SERAC1: variants seen among roughly 807,000 people sequenced by gnomAD.
SERAC1 encodes protein SERAC1.
Under a neutral mutation model 85.7 loss-of-function variants are expected in SERAC1, and 36 were observed. The ratio of observed to expected loss-of-function variants is 0.42; its 90% CI spans 0.32 to 0.55. The LOEUF is 0.55. Among genes scored for constraint, SERAC1 ranks in the 20% least tolerant of loss-of-function variants. The probability of loss-of-function intolerance (pLI) is 0.11; values close to 1 mark genes in which losing one functional copy is unlikely to be tolerated. For missense variants in SERAC1, 629 were observed against 796.2 expected (o/e 0.79, Z 2.53); for synonymous variants, 242 against 265.3 (o/e 0.91, Z 0.85).
At chr6:158,129,827 C>G (rs974921610) in intron 9 of SERAC1, among the ~76,000 whole-genome samples, 7 of 152,000 alleles carry the variant, frequency 4.6e-5, no homozygotes, top group Non-Finnish European at 1.5e-5. Context: ...CTCCAAGTAG[C>G]TGGGATTACA....
intron 13 of SERAC1, chr6:158,116,563 T>C: frequency 3.0e-6 from 1 of 338,338 alleles, no homozygotes; most frequent in Non-Finnish European, 5.6e-6. Flanking sequence ...CCTGAAATCG[T>C]TAATTCTCTA....
At chr6:158,112,637 A>C (rs1784175145) in intron 16 of SERAC1, 1 of 151,612 alleles carries the variant, frequency 6.6e-6, no homozygotes, top group Admixed American at 6.6e-5. Context: ...GACAAAACTC[A>C]TTATGTAGAC....
chr6:158,121,378 G>C (rs1784419271), intron 10 of SERAC1, among the ~76,000 whole-genome samples: 1 of 152,192 alleles, frequency 6.6e-6, no homozygotes, highest in South Asian at 2.1e-4. Context: ...TTAAAATAAA[G>C]CAGAATATGG....
Position 158,128,239 on chromosome 6 carries a change from T to C in SERAC1, c.884A>G (p.Asn295Ser). The C allele has an allele frequency of 6.2e-7, 1 of 1,614,064 alleles. No homozygotes were observed. Among genetic ancestry groups the C allele is most frequent in the Non-Finnish European group, 8.5e-7 (1 of 1,179,982 alleles). ...ISTHCDKIEA[N>S]GGLQLLQRLY... ...CCTCTGAAGTAGCTGCAGGCCTCCATTTGCTTCGATTTTATCACAATGTGT... is the reference window on the plus strand; with the variant it reads ...CCTCTGAAGTAGCTGCAGGCCTCCACTTGCTTCGATTTTATCACAATGTGT... The change falls in exon 10 of 17, where the codon AAT (asparagine) becomes AGT (serine). Residue 295 changes from asparagine (N) to serine (S), a missense_variant. By Grantham distance (46) the Asn-to-Ser change is conservative (BLOSUM62 1). Coordinates refer to ENST00000647468, the MANE Select transcript of SERAC1 (RefSeq NM_032861.4).
intron 1 of SERAC1, chr6:158,162,268 G>A (rs1227329649): frequency 1.3e-5 from 2 of 152,154 alleles, no homozygotes; most frequent in African/African-American, 4.8e-5. Flanking sequence ...GGGAACTACT[G>A]TAAAGGGTTG....
At chr6:158,144,241 G>T in intron 7 of SERAC1, 58 bp downstream of exon 7, 1 of 1,370,348 alleles carries the variant, frequency 7.3e-7, no homozygotes, top group Non-Finnish European at 1.0e-6. Context: ...CCCAAGTGAA[G>T]ATAATATATT....
In SERAC1 at chr6:158,144,312, G is replaced by A; in HGVS notation, c.596C>T (p.Pro199Leu). ...LRFFLLPPPL[P>L]SLKEDSSTEE... The stretch of plus-strand genomic sequence containing the variant: ...TGTTTTACTTACTTCTTTTAAAGAT[G>A]GCAAAGGAGGTGGTAGGAGAAAAAA... The change falls in exon 7 of 17, where the codon CCA becomes CTA. Residue 199 changes from proline to leucine, a missense_variant. Pro to Leu is a moderately conservative substitution (Grantham distance 98, BLOSUM62 -3). Transcript: ENST00000647468. 6.2e-7 allele frequency: 1 copy of A among 1,610,328 alleles called. No homozygotes were observed.
chr6:158,152,067 GA>G (rs1194819133), intron 3 of SERAC1, among the ~76,000 whole-genome samples: 1 of 152,034 alleles, frequency 6.6e-6, no homozygotes, highest in Non-Finnish European at 1.5e-5. Flanking sequence ...AATTATTGAA[GA>G]AAAAAATATT....
At chr6:158,127,297 G>T (rs1442535105) in intron 10 of SERAC1, among the ~76,000 whole-genome samples, 1 of 2,952 alleles carries the variant, frequency 3.4e-4, no homozygotes, top group Non-Finnish European at 7.0e-4. Flanking sequence ...GGTGAGGGGC[G>T]CCTCTGCCCG....
Position 158,117,281 on chromosome 6 carries a change from CA to C in SERAC1, c.1403+445del. ...AGGTAGGATCCGGCTACTCTCAGTC[CA>C]GTAACTCTGAAATCCAGCACTCCTT... is the stretch of plus-strand genomic sequence containing the variant. On this transcript the variant is annotated intron_variant, in intron 13 of 16. Transcript: ENST00000647468. This position sits in a 1 kb window ranked among gnomAD's most constrained non-coding sequence, Gnocchi z 4.3. 1.8e-6 allele frequency: 1 copy of C among 540,862 alleles called. No homozygotes were observed. The highest frequency in any genetic ancestry group is 1.9e-5 in the African/African-American group (1 of 52,962). 33.5% of individuals were successfully genotyped at this position (540,862 alleles called of 1,614,324 possible). A position where few individuals can be genotyped will look rare whatever the true frequency, so the allele number is the denominator to read the frequency against.
At chr6:158,155,942 C>T (rs746361412) in intron 2 of SERAC1, among the ~76,000 whole-genome samples, 15 of 152,018 alleles carry the variant, frequency 9.9e-5, no homozygotes, top group Non-Finnish European at 1.9e-4. Context: ...GTCAGGAGTT[C>T]GAGACCAGCC....
At chr6:158,154,292 A>T (rs1158902016) in intron 3 of SERAC1, among the ~76,000 whole-genome samples, 1 of 152,166 alleles carries the variant, frequency 6.6e-6, no homozygotes, top group African/African-American at 2.4e-5. Context: ...TATAATAAAA[A>T]ACTGTAATTA....
At chr6:158,127,394 G>T (rs1390436382) in intron 10 of SERAC1, among the ~76,000 whole-genome samples, 1 of 56,708 alleles carries the variant, frequency 1.8e-5, no homozygotes, top group East Asian at 5.4e-4. Flanking sequence ...CCCCCTGCCC[G>T]GCCAGCCGCC....
chr6:158,111,375 A>C lies in SERAC1; in HGVS notation c.1956T>G (p.Leu652=), dbSNP rs1784140585. ...QFIREALAKD[L]EN is the part of the protein sequence containing the mutation. ...TGGAAGAGCACAACTGTTAGTTTTC[A>C]AGGTCTTTGGCTAAAGCTTCACGAA... Residue 652 remains leucine, a synonymous_variant, in exon 17 of 17, where the codon CTT becomes CTG. Coordinates refer to ENST00000647468, the MANE Select transcript of SERAC1 (RefSeq NM_032861.4). The C allele has an allele frequency of 6.3e-7, 1 of 1,585,736 alleles. No individual in the cohort carries two copies. Among genetic ancestry groups the C allele is most frequent in the Admixed American group, 1.9e-5 (1 of 51,290 alleles).
intron 10 of SERAC1, among the ~76,000 whole-genome samples, chr6:158,125,890 C>T (rs1583570289): frequency 6.6e-6 from 1 of 151,798 alleles, no homozygotes; most frequent in East Asian, 1.9e-4. Context: ...CACACAAACA[C>T]AGTATAAAAA....
In SERAC1 at chr6:158,120,456, C is replaced by T. The variant is rs1335562972; in HGVS notation, c.1135G>A (p.Val379Ile). The change falls in exon 11 of 17, where the codon GTA becomes ATA. Residue 379 changes from valine (V) to isoleucine (I), a missense_variant. Val to Ile is a conservative substitution (Grantham distance 29). Coordinates refer to ENST00000647468, the MANE Select transcript of SERAC1 (RefSeq NM_032861.4). The surrounding 1 kb of genome is among the most constrained non-coding windows in gnomAD (Gnocchi z 4.4). ...CGATATTGGGGATGCAGCACATATA[C>T]GCCATCCTGATATTTTTCTTGCACA... ...ETVQEKYQDG[V>I]YVLHPQYRTS... The T allele has an allele frequency of 1.1e-5, 17 of 1,613,768 alleles. No homozygotes were observed. Among genetic ancestry groups the T allele is most frequent in the African/African-American group, 5.3e-5 (4 of 74,876 alleles).
At chr6:158,149,247 C>T (rs1246086340) in intron 4 of SERAC1, among the ~76,000 whole-genome samples, 1 of 152,206 alleles carries the variant, frequency 6.6e-6, no homozygotes. Context: ...CCTCCTCGGC[C>T]TCCCAAAGTG....
At chr6:158,121,652 T>C (rs1466190226) in intron 10 of SERAC1, among the ~76,000 whole-genome samples, 1 of 152,140 alleles carries the variant, frequency 6.6e-6, no homozygotes, top group Non-Finnish European at 1.5e-5. Context: ...ACTCAGTACT[T>C]AACAATATTC....
chr6:158,130,902 G>A (rs1341898739), intron 8 of SERAC1, among the ~76,000 whole-genome samples: 1 of 152,060 alleles, frequency 6.6e-6, no homozygotes, highest in Non-Finnish European at 1.5e-5. Context: ...AAGATATAAA[G>A]CATTATTGGA....
Sources: gnomAD v4.1 joint callset for allele counts (sites outside exome capture counted in the v4.1 genomes callset) on GRCh38, gnomAD v4.1.1 for gene constraint, Gnocchi (gnomAD v3.1) non-coding constraint, MANE v1.5 for transcripts, NCBI Gene and HGNC (gene_info 2026-07-23, HGNC 2026-07-21) for gene names.